IL1RAP: variants seen among roughly 807,000 people sequenced by gnomAD.
IL1RAP encodes the protein interleukin 1 receptor accessory protein, also known as interleukin-1 receptor accessory protein.
A neutral mutation model predicts 60.7 loss-of-function variants in IL1RAP; 35 were observed. That is an observed-to-expected ratio of 0.58 (90% CI 0.44 to 0.76). The LOEUF (loss-of-function observed/expected upper bound fraction) is 0.76, where lower values mean the gene tolerates loss of function less well. Among genes scored for constraint, IL1RAP ranks in the 30% least tolerant of loss-of-function variants. The pLI is 0.00. For synonymous variants in IL1RAP, 268 were observed against 250.9 expected (o/e 1.07, Z -0.64); for missense variants, 572 against 693.9 (o/e 0.82, Z 1.97).
At chr3:190,643,906 T>A (rs1216967339) in intron 9 of IL1RAP, among the ~76,000 whole-genome samples, 1 of 152,210 alleles carries the variant, frequency 6.6e-6, no homozygotes, top group Non-Finnish European at 1.5e-5. Flanking sequence ...GGAATGATAA[T>A]TTTCAAAAAT....
intron 3 of IL1RAP, among the ~76,000 whole-genome samples, chr3:190,579,293 T>C (rs1037358370): frequency 6.6e-6 from 1 of 152,236 alleles, no homozygotes; most frequent in African/African-American, 2.4e-5. Context: ...GTGTGCTAGA[T>C]ACAGTTCACA....
intron 3 of IL1RAP, among the ~76,000 whole-genome samples, chr3:190,588,657 A>G (rs909768311): frequency 1.3e-5 from 2 of 151,986 alleles, no homozygotes; most frequent in Non-Finnish European, 2.9e-5. Context: ...TCTTTCATCT[A>G]TTTTTCTAAA....
At position 190,649,572 on chromosome 3, in the gene IL1RAP, A is replaced by C; in HGVS notation, c.*867A>C. Reference sequence around the variant, plus strand: ...CTCTTTTAGGGCATTTTTCTGACTCATGAAAAGAGCACAGAAAAGGATGTT... The same window carrying C: ...CTCTTTTAGGGCATTTTTCTGACTCCTGAAAAGAGCACAGAAAAGGATGTT... On this transcript the variant is annotated 3_prime_UTR_variant, in exon 12 of 12. Transcript: ENST00000447382. The C allele has an allele frequency of 1.0e-6, 1 of 985,830 alleles. No individual in the cohort carries two copies. Among genetic ancestry groups the C allele is most frequent in the Non-Finnish European group, 1.2e-6 (1 of 829,898 alleles). 61.1% of individuals were successfully genotyped at this position (985,830 alleles called of 1,614,324 possible). A position where few individuals can be genotyped will look rare whatever the true frequency, so the allele number is the denominator to read the frequency against.
At chr3:190,573,591 T>C (rs1290129125) in intron 3 of IL1RAP, among the ~76,000 whole-genome samples, 2 of 152,214 alleles carry the variant, frequency 1.3e-5, no homozygotes, top group Non-Finnish European at 2.9e-5. Context: ...TTGGTTGTTT[T>C]ATTAAGGCAA....
intron 3 of IL1RAP, among the ~76,000 whole-genome samples, chr3:190,580,424 G>T (rs1727891251): frequency 6.6e-6 from 1 of 152,140 alleles, no homozygotes; most frequent in Non-Finnish European, 1.5e-5. Context: ...TGTTTTTCCA[G>T]AATGGATAAA....
intron 2 of IL1RAP, among the ~76,000 whole-genome samples, chr3:190,562,222 C>G (rs1725950376): frequency 6.6e-6 from 1 of 152,176 alleles, no homozygotes; most frequent in South Asian, 2.1e-4. Context: ...TGTCTCAAGT[C>G]TAAATATCCA....
At chr3:190,590,197 CAT>C (rs1728822366) in intron 3 of IL1RAP, among the ~76,000 whole-genome samples, 1 of 151,800 alleles carries the variant, frequency 6.6e-6, no homozygotes, top group East Asian at 1.9e-4. Flanking sequence ...TATTTTGTGA[CAT>C]ATATTTGTGA....
intron 9 of IL1RAP, chr3:190,630,147 C>A: frequency 1.3e-6 from 1 of 758,698 alleles, no homozygotes; most frequent in Non-Finnish European, 1.6e-6. Flanking sequence ...AATATACCAG[C>A]AGCCACAATT....
At chr3:190,517,151 G>A (rs1280815229) in intron 1 of IL1RAP, among the ~76,000 whole-genome samples, 1 of 152,094 alleles carries the variant, frequency 6.6e-6, no homozygotes, top group Non-Finnish European at 1.5e-5. Context: ...GTCATAAGAG[G>A]GTATTTAAAG....
At chr3:190,517,787 G>A (rs1242052418) in intron 1 of IL1RAP, 1 of 152,104 alleles carries the variant, frequency 6.6e-6, no homozygotes. Context: ...GAAATCAGAG[G>A]ACGTAGAAAA....
At chr3:190,655,789 G>A, downstream of IL1RAP, 2 of 833,680 alleles carry the variant, frequency 2.4e-6, no homozygotes, top group South Asian at 1.7e-5. Flanking sequence ...GTCATCTCAA[G>A]TGTTTGTTCA....
intron 11 of IL1RAP, among the ~76,000 whole-genome samples, chr3:190,647,748 C>CT (rs1365200578): frequency 6.6e-6 from 1 of 152,138 alleles, no homozygotes; most frequent in Non-Finnish European, 1.5e-5. Flanking sequence ...TGTTAAGCTT[C>CT]TAGTCTAAGG....
At chr3:190,587,980 A>G (rs897075238) in intron 3 of IL1RAP, among the ~76,000 whole-genome samples, 1 of 152,244 alleles carries the variant, frequency 6.6e-6, no homozygotes, top group African/African-American at 2.4e-5. Flanking sequence ...ACTATGGATT[A>G]TGTCAACAAT....
chr3:190,559,159 G>C (rs552620463), intron 2 of IL1RAP, among the ~76,000 whole-genome samples: 1 of 152,272 alleles, frequency 6.6e-6, no homozygotes, highest in South Asian at 2.1e-4. Flanking sequence ...TATCTAAGTT[G>C]TGGAATGTAT....
intron 1 of IL1RAP, among the ~76,000 whole-genome samples, chr3:190,532,035 A>G (rs1425701927): frequency 6.6e-6 from 1 of 152,042 alleles, no homozygotes; most frequent in Non-Finnish European, 1.5e-5. Flanking sequence ...AAGTCAGCCA[A>G]ACCTACCTGT....
At chr3:190,541,283 T>G (rs2108563032) in intron 1 of IL1RAP, among the ~76,000 whole-genome samples, 1 of 152,246 alleles carries the variant, frequency 6.6e-6, no homozygotes, top group South Asian at 2.1e-4. Context: ...AAGGCCTTGC[T>G]TAGCCTTCAA....
At chr3:190,582,920 A>C (rs1728131725) in intron 3 of IL1RAP, among the ~76,000 whole-genome samples, 1 of 152,168 alleles carries the variant, frequency 6.6e-6, no homozygotes, top group African/African-American at 2.4e-5. Flanking sequence ...CAGGAACTTC[A>C]CATGTACTAT....
intron 2 of IL1RAP, 160 bp from the exon 3 acceptor site, chr3:190,564,129 C>T: frequency 1.8e-6 from 1 of 568,304 alleles, no homozygotes; most frequent in Non-Finnish European, 3.2e-6. Flanking sequence ...CAAAATAAAA[C>T]CTGTCTTATT....
chr3:190,618,752 C>T lies in IL1RAP; in HGVS notation c.538-1523C>T, dbSNP rs142548764. 2.9e-3 allele frequency among the ~76,000 whole-genome samples: 438 copies of T among 152,286 alleles called. 2 individuals are homozygous for T. Among genetic ancestry groups the T allele is most frequent in the African/African-American group, 9.6e-3 (398 of 41,540 alleles). On this transcript the variant is annotated intron_variant, in intron 5 of 11. Coordinates refer to ENST00000447382, the MANE Select transcript of IL1RAP (RefSeq NM_002182.4). ...TGTGATATCCTAAGGATATTGAAAT[C>T]GTTTGCTGACCTGACAAGTGTCTAC... is the stretch of plus-strand genomic sequence containing the variant.
Sources: allele counts gnomAD v4.1 joint callset (sites outside exome capture counted in the v4.1 genomes callset), GRCh38; gene constraint gnomAD v4.1.1; transcripts MANE v1.5; gene names NCBI Gene and HGNC (gene_info 2026-07-23, HGNC 2026-07-21).